ABHD10: variants seen among roughly 807,000 people sequenced by gnomAD.
The protein encoded by ABHD10 is abhydrolase domain containing 10, depalmitoylase.
Under a neutral mutation model 33.1 loss-of-function variants are expected in ABHD10, and 22 were observed. That is an observed-to-expected ratio of 0.66 (90% CI 0.47 to 0.95). ABHD10 has a LOEUF of 0.95. ABHD10 is among the 40% of genes least tolerant of loss of function. The pLI is 0.00. For missense variants in ABHD10, 352 were observed against 379.9 expected (o/e 0.93, Z 0.61); for synonymous variants, 146 against 133.9 (o/e 1.09, Z -0.62).
Position 111,983,439 on chromosome 3 carries a change from T to C in ABHD10, c.326+1472T>C, listed in dbSNP as rs1033481770. Among the ~76,000 whole-genome samples, 3 of 152,270 alleles carry C rather than the reference T, an allele frequency of 2.0e-5. No homozygotes were observed. The East Asian group carries it at 5.8e-4, about 29-fold the overall frequency. ...TCCTGTCTCCCTATAAGACATAATG[T>C]GGCTTTTCTGCATTTTTGGATCCTG... On this transcript the variant is annotated intron_variant, in intron 2 of 4. Transcript: ENST00000273359.
Position 111,992,231 on chromosome 3 carries a change from TA to T in ABHD10, c.*511del, listed in dbSNP as rs2072750192. On this transcript the variant is annotated 3_prime_UTR_variant, in exon 5 of 5. Transcript: ENST00000273359. Reference sequence around the variant, plus strand: ...TACTTTATATAATGTATAAAGTATATATAATATAATATATATGTTATATAAA... The same window carrying T: ...TACTTTATATAATGTATAAAGTATATTAATATAATATATATGTTATATAAA... 1.7e-5 allele frequency: 2 copies of T among 118,800 alleles called. No homozygotes were observed. The highest frequency in any genetic ancestry group is 8.5e-5 in the Admixed American group (1 of 11,788). The allele number at this position is 118,800 out of a possible 1,614,324, so 7.4% of individuals were successfully genotyped here. A position where few individuals can be genotyped will look rare whatever the true frequency, so the allele number is the denominator to read the frequency against.
intron 4 of ABHD10, among the ~76,000 whole-genome samples, chr3:111,987,770 G>A (rs2072687626): frequency 6.6e-6 from 1 of 152,130 alleles, no homozygotes; most frequent in Non-Finnish European, 1.5e-5. Flanking sequence ...ATCCATGGAT[G>A]CAGAAACCAT....
intron 4 of ABHD10, among the ~76,000 whole-genome samples, chr3:111,989,524 A>G (rs1206149206): frequency 6.6e-6 from 1 of 152,226 alleles, no homozygotes; most frequent in South Asian, 2.1e-4. Context: ...AGGGATGCTT[A>G]AAATGAAACT....
intron 2 of ABHD10, among the ~76,000 whole-genome samples, chr3:111,984,434 A>G (rs2072627156): frequency 2.6e-5 from 4 of 152,238 alleles, no homozygotes; most frequent in Admixed American, 1.3e-4. Context: ...AGATGATGGA[A>G]GAAGGTATTC....
chr3:111,984,667 A>G (rs184941790), intron 2 of ABHD10, among the ~76,000 whole-genome samples: 14 of 152,350 alleles, frequency 9.2e-5, no homozygotes, highest in Non-Finnish European at 2.1e-4. Context: ...CCAAAGCACT[A>G]AGTGTTTATG....
intron 3 of ABHD10, 60 bp downstream of exon 3, chr3:111,986,435 T>G (rs2072662868): frequency 1.6e-6 from 2 of 1,286,274 alleles, no homozygotes; most frequent in South Asian, 2.6e-5. Flanking sequence ...GCTGTTTGTT[T>G]TGTTTTGTTT....
chr3:111,991,600 C>G lies in ABHD10; in HGVS notation c.800C>G (p.Thr267Arg), dbSNP rs373336234. ...CAGGTTGCCGATCGAGTACTCAGCA[C>G]AGATGTGGATGTCATCCTCCGAAAA... ...SMQVADRVLSTDVDVILRKHS... is the reference protein window; with the variant it reads ...SMQVADRVLSRDVDVILRKHS... Residue 267 changes from threonine to arginine, a missense_variant, in exon 5 of 5, where the codon ACA becomes AGA. By Grantham distance (71) the Thr-to-Arg change is moderately conservative (BLOSUM62 -1). Transcript: ENST00000273359. 7.4e-6 allele frequency: 12 copies of G among 1,613,948 alleles called. No homozygotes were observed. The highest frequency in any genetic ancestry group is 1.6e-4 in the Middle Eastern group (1 of 6,084).
chr3:111,993,185 C>G lies in ABHD10; in HGVS notation c.*1464C>G, dbSNP rs1050948627. ...CAAGCTTTTCTGGTTGACAGTGTTTCACAAGTGCTGTTACAACTGGTTGCT... is the reference window on the plus strand; with the variant it reads ...CAAGCTTTTCTGGTTGACAGTGTTTGACAAGTGCTGTTACAACTGGTTGCT... On this transcript the variant is annotated 3_prime_UTR_variant, in exon 5 of 5. Transcript: ENST00000273359. 5.3e-5 allele frequency: 8 copies of G among 152,208 alleles called. No homozygotes were observed. Among genetic ancestry groups the G allele is most frequent in the Admixed American group, 4.6e-4 (7 of 15,286 alleles). 9.4% of individuals were successfully genotyped at this position (152,208 alleles called of 1,614,324 possible).
chr3:111,981,662 T>G, intron 1 of ABHD10, 122 bp from the exon 2 acceptor site: 1 of 900,134 alleles, frequency 1.1e-6, no homozygotes, highest in Non-Finnish European at 1.6e-6. Context: ...GTTTTTTCTA[T>G]TAAATGGAAA....
intron 2 of ABHD10, among the ~76,000 whole-genome samples, chr3:111,985,306 C>T (rs2072641857): frequency 1.3e-5 from 2 of 151,908 alleles, no homozygotes; most frequent in Non-Finnish European, 2.9e-5. Flanking sequence ...GATTTGATAC[C>T]CTTAAGGAGA....
At position 111,983,496 on chromosome 3, in the gene ABHD10, A is replaced by G. The variant is rs192673778; in HGVS notation, c.326+1529A>G. On this transcript the variant is annotated intron_variant, in intron 2 of 4. Coordinates refer to ENST00000273359, the MANE Select transcript of ABHD10 (RefSeq NM_018394.4). ...TATACCTTCATAAAGAATAGTGCTTAACTACAAATATTTAGTTTGAACAAG... is the reference window on the plus strand; with the variant it reads ...TATACCTTCATAAAGAATAGTGCTTGACTACAAATATTTAGTTTGAACAAG... 1.6e-3 allele frequency among the ~76,000 whole-genome samples: 237 copies of G among 152,288 alleles called. 1 individual carries two copies. Among genetic ancestry groups the G allele is most frequent in the Non-Finnish European group, 2.4e-3 (161 of 67,990 alleles).
At chr3:111,990,869 A>G (rs541569168) in intron 4 of ABHD10, 1 of 457,026 alleles carries the variant, frequency 2.2e-6, no homozygotes, top group South Asian at 8.1e-5. Context: ...AAGCACTTTT[A>G]GGTTTACAAT....
intron 1 of ABHD10, among the ~76,000 whole-genome samples, 163 bp from the exon 2 acceptor site, chr3:111,981,621 C>G (rs1337742371): frequency 6.6e-6 from 1 of 152,198 alleles, no homozygotes. Context: ...ATCTCATGCA[C>G]AGACTTACTT....
intron 2 of ABHD10, chr3:111,982,355 A>G (rs953236500): frequency 6.4e-6 from 1 of 155,166 alleles, no homozygotes; most frequent in African/African-American, 2.4e-5. Flanking sequence ...CATGTATTTA[A>G]AAGTATCATA....
intron 3 of ABHD10, among the ~76,000 whole-genome samples, chr3:111,986,682 G>A (rs1427985886): frequency 2.0e-5 from 3 of 152,312 alleles, no homozygotes; most frequent in East Asian, 1.9e-4. Context: ...TGATCCGCCC[G>A]CCTGGGCCTC....
chr3:111,988,319 T>TA (rs1000761831), intron 4 of ABHD10, among the ~76,000 whole-genome samples: 34 of 152,266 alleles, frequency 2.2e-4, no homozygotes, highest in Admixed American at 1.8e-3. Context: ...TCCTTGAACT[T>TA]ATCTCCTGTT....
chr3:111,991,564 A>T lies in ABHD10; in HGVS notation c.764A>T (p.His255Leu). Residue 255 changes from histidine to leucine, a missense_variant, in exon 5 of 5, where the codon CAT becomes CTT. Transcript: ENST00000273359. ...HGMKDDIVPWHTSMQVADRVL... is the reference protein window; with the variant it reads ...HGMKDDIVPWLTSMQVADRVL... ...ATGAAGGATGACATTGTACCTTGGC[A>T]TACATCAATGCAGGTTGCCGATCGA... 6.2e-7 allele frequency: 1 copy of T among 1,614,176 alleles called. No individual in the cohort carries two copies. Among genetic ancestry groups the T allele is most frequent in the Non-Finnish European group, 8.5e-7 (1 of 1,179,992 alleles).
At chr3:111,984,154 C>T (rs1013075419) in intron 2 of ABHD10, among the ~76,000 whole-genome samples, 7 of 152,190 alleles carry the variant, frequency 4.6e-5, no homozygotes, top group African/African-American at 1.4e-4. Context: ...GTCTTTCCCC[C>T]TTTTTTCTTC....
At chr3:111,983,076 C>T (rs1387891761) in intron 2 of ABHD10, among the ~76,000 whole-genome samples, 1 of 151,952 alleles carries the variant, frequency 6.6e-6, no homozygotes, top group Non-Finnish European at 1.5e-5. Flanking sequence ...CCTATGAGGA[C>T]CTTTCATTCA....
Sources: allele counts gnomAD v4.1 joint callset (sites outside exome capture counted in the v4.1 genomes callset), GRCh38; gene constraint gnomAD v4.1.1; transcripts MANE v1.5; gene names NCBI Gene and HGNC (gene_info 2026-07-23, HGNC 2026-07-21).